Variants in KCNC1 observed in about 807,000 individuals in gnomAD.
KCNC1 encodes the protein potassium voltage-gated channel subfamily C member 1.
In KCNC1, 8 loss-of-function variants were observed where a neutral mutation model predicts 43.4. The observed-to-expected ratio is 0.18, with a 90% CI of 0.11 to 0.33. KCNC1 has a LOEUF of 0.33. KCNC1 is among the 10% of genes least tolerant of loss of function. The pLI is 1.00. For synonymous variants in KCNC1, 361 were observed against 360.5 expected, an observed-to-expected ratio of 1.00 and a Z score of -0.01; for missense variants, 420 against 836.0, an observed-to-expected ratio of 0.50 and a Z score of 6.14.
chr11:17,775,840 A>C, intron 2 of KCNC1: 1 of 985,386 alleles, frequency 1.0e-6, no homozygotes, highest in Non-Finnish European at 1.2e-6. Context: ...GGTCTCAGAG[A>C]AGCCCCCGCC....
chr11:17,748,916 G>A (rs969400317), intron 1 of KCNC1, among the ~76,000 whole-genome samples: 1 of 152,176 alleles, frequency 6.6e-6, no homozygotes, highest in Admixed American at 6.5e-5. Flanking sequence ...CCCATACACG[G>A]TTCTCTGAGC....
At position 17,781,775 on chromosome 11, in the gene KCNC1, C is replaced by T. The variant is rs1849348860; in HGVS notation, c.*41C>T. The T allele has an allele frequency of 1.5e-6, 2 of 1,347,928 alleles. No homozygotes were observed. Among genetic ancestry groups the T allele is most frequent in the Non-Finnish European group, 2.1e-6 (2 of 961,166 alleles). The allele number at this position is 1,347,928 out of a possible 1,614,324, so 83.5% of individuals were successfully genotyped here. On this transcript the variant is annotated 3_prime_UTR_variant, in exon 4 of 4. Transcript: ENST00000265969. This position sits in a 1 kb window ranked among gnomAD's most constrained non-coding sequence, Gnocchi z 5.1. ...GAGGACACTGGTGGCTATTAAGCAT[C>T]TGGGTGGACCTGCAGCCCCTCCTCA...
chr11:17,751,937 T>C (rs1045628059), intron 1 of KCNC1, among the ~76,000 whole-genome samples: 3 of 152,140 alleles, frequency 2.0e-5, no homozygotes, highest in Non-Finnish European at 4.4e-5. Flanking sequence ...TCAGGCAGGA[T>C]GTGTTCAAGG....
chr11:17,744,718 C>T (rs979730360), intron 1 of KCNC1, among the ~76,000 whole-genome samples: 11 of 151,758 alleles, frequency 7.2e-5, no homozygotes, highest in South Asian at 2.1e-4. Flanking sequence ...TGGGGAAGGG[C>T]GCAGGGGATG....
intron 1 of KCNC1, among the ~76,000 whole-genome samples, chr11:17,737,876 A>C (rs1848787161): frequency 6.6e-6 from 1 of 152,058 alleles, no homozygotes; most frequent in South Asian, 2.1e-4. Flanking sequence ...GAGGGGTAGG[A>C]AGTTGCAGAG....
At position 17,736,393 on chromosome 11, in the gene KCNC1, G is replaced by A. The variant is rs748483977; in HGVS notation, c.391G>A (p.Ala131Thr). ...CGGCGGCGCTCCTCTGGACAACAGC[G>A]CCGACGACGCGGACGCCGACGGCCC... ...SFGGAPLDNS[A>T]DDADADGPGD... The change falls in exon 1 of 4, where the codon GCC becomes ACC. Residue 131 changes from alanine (A) to threonine (T), a missense_variant. Around this residue, in one of 5 missense-constraint regions of KCNC1, gnomAD observed 151 missense variants for 216.7 expected, o/e 0.70. Transcript: ENST00000265969. The surrounding 1 kb of genome is among the most constrained non-coding windows in gnomAD (Gnocchi z 9.3). 6.2e-7 allele frequency: 1 copy of A among 1,610,228 alleles called. No individual in the cohort carries two copies. Among genetic ancestry groups the A allele is most frequent in the Non-Finnish European group, 8.5e-7 (1 of 1,178,796 alleles).
At position 17,768,410 on chromosome 11, in the gene KCNC1, A is replaced by G. The variant is rs181865339; in HGVS notation, c.571-3255A>G. On this transcript the variant is annotated intron_variant, in intron 1 of 3. Coordinates refer to ENST00000265969, the MANE Select transcript of KCNC1 (RefSeq NM_001112741.2). ...GCAGGGAGAGGACCCTGGGAAATCA[A>G]ATGAGGCCAGGACGTGGAGAGCCTC... 1.0e-3 allele frequency among the ~76,000 whole-genome samples: 152 copies of G among 152,218 alleles called. 1 individual carries two copies. Among genetic ancestry groups the G allele is most frequent in the African/African-American group, 3.5e-3 (146 of 41,536 alleles).
At position 17,779,593 on chromosome 11, in the gene KCNC1, C is replaced by T; in HGVS notation, c.1642C>T (p.Leu548Phe). 6.4e-7 allele frequency: 1 copy of T among 1,551,454 alleles called. No homozygotes were observed. The highest frequency in any genetic ancestry group is 1.2e-5 in the South Asian group (1 of 84,038). The change falls in exon 3 of 4, where the codon CTC (leucine) becomes TTC (phenylalanine). Residue 548 changes from leucine to phenylalanine, a missense_variant. By Grantham distance (22) the Leu-to-Phe change is conservative. Transcript: ENST00000265969. This position sits in a 1 kb window ranked among gnomAD's most constrained non-coding sequence, Gnocchi z 7.2. The stretch of plus-strand genomic sequence containing the variant: ...CCGCGAGAGATACGGACCCTGCTTC[C>T]TCTTATCAACCGGGGAGTACGCGTG... ...GTRERYGPCF[L>F]LSTGEYACPP...
intron 1 of KCNC1, among the ~76,000 whole-genome samples, chr11:17,743,163 A>G (rs974994202): frequency 7.9e-5 from 12 of 152,246 alleles, no homozygotes; most frequent in African/African-American, 1.9e-4. Flanking sequence ...TATCACGCCA[A>G]TGACACAGAC....
intron 2 of KCNC1, among the ~76,000 whole-genome samples, chr11:17,778,841 G>T (rs1274361100): frequency 6.6e-6 from 1 of 150,512 alleles, no homozygotes; most frequent in Admixed American, 6.6e-5. Context: ...TTGGGGTCGG[G>T]GGGGTACGGG....
At chr11:17,746,106 C>T (rs1848896155) in intron 1 of KCNC1, among the ~76,000 whole-genome samples, 1 of 152,190 alleles carries the variant, frequency 6.6e-6, no homozygotes, top group Non-Finnish European at 1.5e-5. Flanking sequence ...GACATGGGCA[C>T]CGTGCATTTG....
At position 17,781,040 on chromosome 11, in the gene KCNC1, G is replaced by A. The variant is rs1189706995; in HGVS notation, c.1694-630G>A. 1 of 152,284 alleles carries A rather than the reference G, an allele frequency of 6.6e-6. No individual in the cohort carries two copies. The highest frequency in any genetic ancestry group is 2.4e-5 in the African/African-American group (1 of 41,474). 9.4% of individuals were successfully genotyped at this position (152,284 alleles called of 1,614,324 possible). ...AGAAGCAGAATGCCCGAGGAGTGAG[G>A]GGAAAAGCAGGTAGACGGTTCCCAG... is the stretch of plus-strand genomic sequence containing the variant. On this transcript the variant is annotated intron_variant, in intron 3 of 3. Coordinates refer to ENST00000265969, the MANE Select transcript of KCNC1 (RefSeq NM_001112741.2). This position sits in a 1 kb window ranked among gnomAD's most constrained non-coding sequence, Gnocchi z 5.1.
chr11:17,779,624 C>G lies in KCNC1; in HGVS notation c.1673C>G (p.Pro558Arg), dbSNP rs749270474. 8.4e-6 allele frequency: 13 copies of G among 1,548,256 alleles called. No homozygotes were observed. In the African/African-American group the frequency reaches 9.6e-5, roughly 11 times the overall value. ...TCAACCGGGGAGTACGCGTGCCCAC[C>G]TGGTGGAGGAATGAGAAAGGGTATG... is the stretch of plus-strand genomic sequence containing the variant. ...LLSTGEYACP[P>R]GGGMRKDLCK... Residue 558 changes from proline (P) to arginine (R), a missense_variant, in exon 3 of 4, where the codon CCT becomes CGT. By Grantham distance (103) the Pro-to-Arg change is moderately radical. Transcript: ENST00000265969. The surrounding 1 kb of genome is among the most constrained non-coding windows in gnomAD (Gnocchi z 7.2).
At chr11:17,751,238 TG>T (rs1371962159) in intron 1 of KCNC1, among the ~76,000 whole-genome samples, 1 of 151,960 alleles carries the variant, frequency 6.6e-6, no homozygotes, top group African/African-American at 2.4e-5. Context: ...TGTGGTTCTA[TG>T]GTTAAAAATG....
At chr11:17,758,775 ATGCTATAAATAGATG>A (rs1369096963) in intron 1 of KCNC1, among the ~76,000 whole-genome samples, 1 of 152,240 alleles carries the variant, frequency 6.6e-6, no homozygotes, top group Non-Finnish European at 1.5e-5. Context: ...TCAGTAAACC[ATGCTATAAATAGATG>A]TGCTATCATC....
intron 1 of KCNC1, among the ~76,000 whole-genome samples, chr11:17,768,618 G>GT (rs1301861389): frequency 6.6e-6 from 1 of 151,868 alleles, no homozygotes; most frequent in Non-Finnish European, 1.5e-5. Flanking sequence ...TTGGTGGGGG[G>GT]GGGGGCGGTT....
chr11:17,763,146 C>G (rs1849097277), intron 1 of KCNC1, among the ~76,000 whole-genome samples: 1 of 152,148 alleles, frequency 6.6e-6, no homozygotes, highest in African/African-American at 2.4e-5. Context: ...GCCGTTGTCT[C>G]TTTGGACGTC....
intron 1 of KCNC1, among the ~76,000 whole-genome samples, chr11:17,764,683 G>A (rs761190064): frequency 6.6e-5 from 10 of 152,182 alleles, no homozygotes; most frequent in Non-Finnish European, 8.8e-5. Flanking sequence ...GCACCCAGAC[G>A]CTGCGCTCGG....
chr11:17,746,590 G>T (rs1848902556), intron 1 of KCNC1, among the ~76,000 whole-genome samples: 1 of 152,030 alleles, frequency 6.6e-6, no homozygotes, highest in African/African-American at 2.4e-5. Flanking sequence ...TGTGCTTGTG[G>T]AAAGTTCTAG....
Sources: allele counts gnomAD v4.1 joint callset (sites outside exome capture counted in the v4.1 genomes callset), GRCh38; gene constraint gnomAD v4.1.1; regional missense constraint gnomAD v4.1.1; non-coding constraint Gnocchi (gnomAD v3.1); transcripts MANE v1.5; gene names NCBI Gene and HGNC (gene_info 2026-07-23, HGNC 2026-07-21).